Variants in CTIF observed in about 807,000 individuals in gnomAD.
The protein encoded by CTIF is cap binding complex dependent translation initiation factor.
A neutral mutation model predicts 66.0 loss-of-function variants in CTIF; 21 were observed. The observed-to-expected ratio is 0.32, with a 90% CI of 0.23 to 0.46. The LOEUF is 0.46. CTIF is among the 20% of genes least tolerant of loss of function. The pLI, the probability that CTIF is intolerant of heterozygous loss-of-function variation, is 1.00. For synonymous variants in CTIF, 345 were observed against 326.4 expected (o/e 1.06, Z -0.62); for missense variants, 739 against 812.7 (o/e 0.91, Z 1.10).
chr18:48,707,697 T>G (rs774528716), intron 6 of CTIF, among the ~76,000 whole-genome samples: 37 of 152,088 alleles, frequency 2.4e-4, no homozygotes, highest in Non-Finnish European at 4.0e-4. Flanking sequence ...CCCCAGATAC[T>G]TTTTACCTTT....
At chr18:48,576,190 G>A (rs1384350223) in intron 1 of CTIF, among the ~76,000 whole-genome samples, 1 of 152,264 alleles carries the variant, frequency 6.6e-6, no homozygotes, top group African/African-American at 2.4e-5. Context: ...TTGCACTGAG[G>A]CTGCCCGGGG....
intron 9 of CTIF, among the ~76,000 whole-genome samples, chr18:48,811,300 A>T (rs1470250748): frequency 1.3e-5 from 2 of 152,148 alleles, no homozygotes; most frequent in African/African-American, 4.8e-5. Context: ...ACCTGGTTGT[A>T]GTTTCAGTTT....
chr18:48,700,331 A>G (rs1171512210), intron 6 of CTIF, among the ~76,000 whole-genome samples: 1 of 152,238 alleles, frequency 6.6e-6, no homozygotes, highest in African/African-American at 2.4e-5. Context: ...TTTCCTTTAT[A>G]AATTACCCAG....
chr18:48,636,931 CAT>C (rs987870407), intron 3 of CTIF, among the ~76,000 whole-genome samples: 2 of 152,204 alleles, frequency 1.3e-5, no homozygotes, highest in Non-Finnish European at 2.9e-5. Flanking sequence ...TATATTAACA[CAT>C]ATCTGGAAGC....
chr18:48,727,230 C>A (rs2092394219), intron 7 of CTIF, among the ~76,000 whole-genome samples: 2 of 152,144 alleles, frequency 1.3e-5, no homozygotes, highest in East Asian at 3.8e-4. Context: ...TCCAGCCAGG[C>A]AGATATTGGA....
intron 5 of CTIF, among the ~76,000 whole-genome samples, chr18:48,669,174 G>A (rs938083711): frequency 1.3e-5 from 2 of 151,210 alleles, no homozygotes; most frequent in African/African-American, 4.9e-5. Context: ...ACTGTCTGAG[G>A]GCAGGAACCA....
intron 9 of CTIF, among the ~76,000 whole-genome samples, chr18:48,768,485 G>T (rs1401766782): frequency 6.6e-6 from 1 of 152,202 alleles, no homozygotes; most frequent in Non-Finnish European, 1.5e-5. Flanking sequence ...TCCCTCCCCA[G>T]GCTTATACAT....
intron 9 of CTIF, among the ~76,000 whole-genome samples, chr18:48,779,290 G>C (rs1910988316): frequency 6.6e-6 from 1 of 152,204 alleles, no homozygotes; most frequent in Non-Finnish European, 1.5e-5. Context: ...GTATCCCTTA[G>C]ACCTTTGTGG....
chr18:48,844,890 G>A (rs1286627350), intron 10 of CTIF, among the ~76,000 whole-genome samples: 2 of 152,154 alleles, frequency 1.3e-5, no homozygotes, highest in Admixed American at 6.5e-5. Flanking sequence ...TTCAGAGGGC[G>A]ACACTACTCT....
At chr18:48,699,991 G>C (rs1203676552) in intron 6 of CTIF, among the ~76,000 whole-genome samples, 2 of 152,220 alleles carry the variant, frequency 1.3e-5, no homozygotes, top group Admixed American at 6.5e-5. Flanking sequence ...CTGAGAGGCA[G>C]GTCCTGCTGC....
At chr18:48,568,653 A>AAAAAAAAAAAAAAAAG (rs2089337598) in intron 1 of CTIF, among the ~76,000 whole-genome samples, 1 of 145,814 alleles carries the variant, frequency 6.9e-6, no homozygotes, top group Non-Finnish European at 1.5e-5. Flanking sequence ...AAAAAAAAAA[A>AAAAAAAAAAAAAAAAG]AAAAAAAAAA....
At chr18:48,824,872 C>CAGGGAAGGGCAGGGAGAGGGCAGATG (rs1568248313) in intron 10 of CTIF, among the ~76,000 whole-genome samples, 1 of 152,194 alleles carries the variant, frequency 6.6e-6, no homozygotes, top group Admixed American at 6.5e-5. Context: ...AAACTCCTGA[C>CAGGGAAGGGCAGGGAGAGGGCAGATG]CTCAGGTGAT....
chr18:48,668,813 C>A (rs532458477), intron 5 of CTIF, among the ~76,000 whole-genome samples: 1 of 152,278 alleles, frequency 6.6e-6, no homozygotes, highest in South Asian at 2.1e-4. Flanking sequence ...TGCAACGATC[C>A]CTTGTCCCCA....
intron 10 of CTIF, among the ~76,000 whole-genome samples, chr18:48,852,012 A>G (rs2069213461): frequency 2.0e-5 from 3 of 152,040 alleles, no homozygotes; most frequent in Admixed American, 1.3e-4. Flanking sequence ...TGGGAGGATC[A>G]CTTGAGCTCA....
chr18:48,805,532 C>G (rs1353099821), intron 9 of CTIF, among the ~76,000 whole-genome samples: 1 of 152,152 alleles, frequency 6.6e-6, no homozygotes, highest in African/African-American at 2.4e-5. Context: ...TGTGACCCCA[C>G]CACACCACCA....
chr18:48,797,468 G>T (rs575443064), intron 9 of CTIF, among the ~76,000 whole-genome samples: 1 of 139,920 alleles, frequency 7.1e-6, no homozygotes, highest in South Asian at 2.4e-4. Context: ...GGGTGATAGA[G>T]CAAGACTCCA....
intron 6 of CTIF, among the ~76,000 whole-genome samples, chr18:48,689,972 T>C (rs2091902363): frequency 6.6e-6 from 1 of 152,110 alleles, no homozygotes; most frequent in South Asian, 2.1e-4. Flanking sequence ...CATAGAAAAA[T>C]AAGCAGTTAG....
chr18:48,833,488 C>T (rs1346039440), intron 10 of CTIF, among the ~76,000 whole-genome samples: 1 of 152,118 alleles, frequency 6.6e-6, no homozygotes, highest in Non-Finnish European at 1.5e-5. Context: ...CTGCCCCCGC[C>T]GCCCTCCACC....
At chr18:48,691,501 A>T (rs2091924719) in intron 6 of CTIF, among the ~76,000 whole-genome samples, 1 of 151,054 alleles carries the variant, frequency 6.6e-6, no homozygotes, top group Non-Finnish European at 1.5e-5. Flanking sequence ...AGTGTTCCAG[A>T]TTCGAGGCCT....
Sources: allele counts gnomAD v4.1 joint callset (sites outside exome capture counted in the v4.1 genomes callset), GRCh38; gene constraint gnomAD v4.1.1; transcripts MANE v1.5; gene names NCBI Gene and HGNC (gene_info 2026-07-23, HGNC 2026-07-21).